GPR158: variants seen among roughly 807,000 people sequenced by gnomAD.
GPR158 encodes metabotropic glycine receptor.
A neutral mutation model predicts 78.2 loss-of-function variants in GPR158; 30 were observed. The observed-to-expected ratio is 0.38, with a 90% CI of 0.29 to 0.52. GPR158 has a LOEUF of 0.52. Among genes scored for constraint, GPR158 ranks in the 20% least tolerant of loss-of-function variants. The pLI, the probability that GPR158 is intolerant of heterozygous loss-of-function variation, is 0.83. For synonymous variants in GPR158, 581 were observed against 591.1 expected (o/e 0.98, Z 0.25); for missense variants, 1,463 against 1,523.5 (o/e 0.96, Z 0.66).
At chr10:25,581,508 A>G (rs1837199094) in intron 7 of GPR158, among the ~76,000 whole-genome samples, 1 of 152,202 alleles carries the variant, frequency 6.6e-6, no homozygotes, top group Non-Finnish European at 1.5e-5. Flanking sequence ...TCTTATTTGT[A>G]TACCACCTCT....
At chr10:25,528,999 G>A (rs1836388635) in intron 5 of GPR158, among the ~76,000 whole-genome samples, 2 of 152,170 alleles carry the variant, frequency 1.3e-5, no homozygotes, top group African/African-American at 4.8e-5. Flanking sequence ...AAGTTTCAAG[G>A]TAATTCAACA....
chr10:25,230,377 GA>G (rs1853431562), intron 2 of GPR158, among the ~76,000 whole-genome samples: 1 of 152,180 alleles, frequency 6.6e-6, no homozygotes, highest in African/African-American at 2.4e-5. Context: ...TATATCTGGA[GA>G]GGCTTATATT....
chr10:25,536,209 T>TTTAA (rs1836498371), intron 5 of GPR158, among the ~76,000 whole-genome samples: 1 of 152,152 alleles, frequency 6.6e-6, no homozygotes, highest in Non-Finnish European at 1.5e-5. Flanking sequence ...TTGAAGAATA[T>TTTAA]TTAATTCTTT....
At chr10:25,320,208 A>G (rs1355171862) in intron 2 of GPR158, among the ~76,000 whole-genome samples, 2 of 152,128 alleles carry the variant, frequency 1.3e-5, no homozygotes, top group African/African-American at 4.8e-5. Context: ...AGTATATCTC[A>G]CCCTTCACAC....
intron 5 of GPR158, among the ~76,000 whole-genome samples, chr10:25,545,885 G>A (rs191981727): frequency 8.1e-4 from 123 of 152,142 alleles, no homozygotes; most frequent in African/African-American, 2.7e-3. Context: ...AGTTACAATC[G>A]TTGCCCTCGT....
intron 2 of GPR158, among the ~76,000 whole-genome samples, chr10:25,225,213 A>G (rs1853357986): frequency 7.1e-6 from 1 of 141,284 alleles, no homozygotes; most frequent in Admixed American, 6.9e-5. Context: ...AAAGCAATGT[A>G]TAACCCATCT....
At chr10:25,389,553 A>G (rs1834266051) in intron 2 of GPR158, among the ~76,000 whole-genome samples, 1 of 151,844 alleles carries the variant, frequency 6.6e-6, no homozygotes, top group Admixed American at 6.6e-5. Flanking sequence ...TATCTTGTTG[A>G]CCCTCCAGTT....
intron 4 of GPR158, among the ~76,000 whole-genome samples, chr10:25,428,217 A>G (rs888253086): frequency 6.6e-6 from 1 of 152,102 alleles, no homozygotes; most frequent in African/African-American, 2.4e-5. Context: ...ACTATTGCTT[A>G]TATTAAAAAT....
intron 5 of GPR158, among the ~76,000 whole-genome samples, chr10:25,533,557 T>A (rs1435909048): frequency 6.6e-6 from 1 of 152,220 alleles, no homozygotes; most frequent in Non-Finnish European, 1.5e-5. Flanking sequence ...TCTACATGAA[T>A]TATTCGGTTT....
chr10:25,296,022 G>GA (rs1257536586), intron 2 of GPR158, among the ~76,000 whole-genome samples: 1 of 138,440 alleles, frequency 7.2e-6, no homozygotes, highest in Non-Finnish European at 1.6e-5. Flanking sequence ...TAGTAAAAGG[G>GA]AAATGAGAAA....
At chr10:25,450,372 T>C (rs1835198220) in intron 4 of GPR158, among the ~76,000 whole-genome samples, 1 of 93,054 alleles carries the variant, frequency 1.1e-5, no homozygotes, top group South Asian at 3.8e-4. Context: ...TCTTTTTTCC[T>C]TTTTCACGTT....
intron 5 of GPR158, 72 bp downstream of exon 5, chr10:25,466,791 C>A: frequency 1.6e-6 from 1 of 644,762 alleles, no homozygotes; most frequent in Non-Finnish European, 2.6e-6. Flanking sequence ...ACTGTTTACA[C>A]ACACACACAC....
intron 6 of GPR158, among the ~76,000 whole-genome samples, chr10:25,565,167 G>A (rs1836912247): frequency 6.6e-6 from 1 of 152,104 alleles, no homozygotes; most frequent in Admixed American, 6.6e-5. Flanking sequence ...ATAACCGTCA[G>A]AAGGACATGT....
intron 2 of GPR158, among the ~76,000 whole-genome samples, chr10:25,373,635 G>T (rs530850034): frequency 8.4e-4 from 127 of 151,756 alleles, no homozygotes; most frequent in African/African-American, 3.0e-3. Flanking sequence ...ATTATCATTT[G>T]GTTCAAAATG....
chr10:25,291,394 G>A lies in GPR158; in HGVS notation c.1008+70237G>A, dbSNP rs75433435. 8.9e-4 allele frequency among the ~76,000 whole-genome samples: 135 copies of A among 152,068 alleles called. 1 individual carries two copies. Among genetic ancestry groups the A allele is most frequent in the African/African-American group, 3.2e-3 (131 of 41,534 alleles). The stretch of plus-strand genomic sequence containing the variant: ...TAGATTAAAACATATCAGTTGTTTA[G>A]GAGAAGTAACAAATATTTTTAATCC... On this transcript the variant is annotated intron_variant, in intron 2 of 10. Coordinates refer to ENST00000376351, the MANE Select transcript of GPR158 (RefSeq NM_020752.3).
At chr10:25,555,121 G>T (rs1344750165) in intron 6 of GPR158, among the ~76,000 whole-genome samples, 1 of 152,124 alleles carries the variant, frequency 6.6e-6, no homozygotes, top group African/African-American at 2.4e-5. Flanking sequence ...AGAGGTTATT[G>T]TAGCCTTGTA....
At chr10:25,507,509 G>A (rs1054073245) in intron 5 of GPR158, among the ~76,000 whole-genome samples, 2 of 152,188 alleles carry the variant, frequency 1.3e-5, no homozygotes, top group Non-Finnish European at 1.5e-5. Context: ...TGTACAATTC[G>A]AGAAATCTAT....
At chr10:25,185,976 A>G (rs959683933) in intron 1 of GPR158, among the ~76,000 whole-genome samples, 2 of 152,196 alleles carry the variant, frequency 1.3e-5, no homozygotes. Flanking sequence ...TTGGAAGTAA[A>G]GCACTCCTCA....
At chr10:25,213,848 C>G (rs568095211) in intron 1 of GPR158, among the ~76,000 whole-genome samples, 1 of 152,188 alleles carries the variant, frequency 6.6e-6, no homozygotes, top group South Asian at 2.1e-4. Flanking sequence ...TAATCCTTCT[C>G]TTTTAGTTTT....
Sources: gnomAD v4.1 joint callset for allele counts (sites outside exome capture counted in the v4.1 genomes callset) on GRCh38, gnomAD v4.1.1 for gene constraint, MANE v1.5 for transcripts, NCBI Gene and HGNC (gene_info 2026-07-23, HGNC 2026-07-21) for gene names.